Variants in NCOA6 observed in about 807,000 individuals in gnomAD.
The protein encoded by NCOA6 is nuclear receptor coactivator 6, also known as NRC RAP250.
NCOA6 carries 49 observed loss-of-function variants against 171.4 expected under a neutral mutation model. The observed-to-expected ratio is 0.29, with a 90% confidence interval of 0.23 to 0.36. The LOEUF (loss-of-function observed/expected upper bound fraction) is 0.36, where lower values mean the gene tolerates loss of function less well. Ranked by LOEUF, NCOA6 falls within the 10% of genes least tolerant of loss-of-function variation. The pLI, the probability that NCOA6 is intolerant of heterozygous loss-of-function variation, is 1.00. For missense variants in NCOA6, 2,248 were observed against 2,554.5 expected (o/e 0.88, Z 2.59); for synonymous variants, 910 against 927.5 (o/e 0.98, Z 0.34).
intron 1 of NCOA6, among the ~76,000 whole-genome samples, chr20:34,823,836 G>C (rs991231555): frequency 2.0e-5 from 3 of 152,108 alleles, no homozygotes; most frequent in African/African-American, 4.8e-5. Flanking sequence ...CTGAGTAGCT[G>C]GGACTACAAG....
At chr20:34,721,238 C>CAAAAAAAAAAAAAAAAAAAAAAAAAAA (rs10531679) in intron 14 of NCOA6, among the ~76,000 whole-genome samples, 6 of 66,048 alleles carry the variant, frequency 9.1e-5, no homozygotes, top group African/African-American at 3.8e-4. Flanking sequence ...TTCCTCTATA[C>CAAAAAAAAAAAAAAAAAAAAAAAAAAA]AAAAAAAAAA....
intron 2 of NCOA6, among the ~76,000 whole-genome samples, chr20:34,789,037 T>C (rs576965216): frequency 1.1e-3 from 172 of 152,340 alleles, no homozygotes; most frequent in Admixed American, 2.5e-3. Context: ...GTTCAAAGCA[T>C]CTGAAAATTT....
intron 1 of NCOA6, among the ~76,000 whole-genome samples, chr20:34,805,074 T>C (rs1160963838): frequency 3.3e-5 from 5 of 151,686 alleles, no homozygotes; most frequent in African/African-American, 4.9e-5. Context: ...AGTCTCATTC[T>C]GTCACCCAGG....
At chr20:34,739,032 G>C (rs745588443) in intron 11 of NCOA6, 18 of 435,892 alleles carry the variant, frequency 4.1e-5, no homozygotes, top group Non-Finnish European at 6.7e-5. Context: ...TGGGGAAATA[G>C]AGCTTCTTCA....
Position 34,823,559 on chromosome 20 carries a change from T to C in NCOA6, c.-164+1913A>G, listed in dbSNP as rs182732574. Among the ~76,000 whole-genome samples the C allele has an allele frequency of 3.3e-5, 5 of 152,324 alleles. No individual in the cohort carries two copies. The East Asian group carries it at 7.7e-4, about 23-fold the overall frequency. ...TCCTTCAGAACTCTCCCATAGCCCATGCGAACTTTGAATTCTTCTCTAACA... is the reference window on the plus strand; with the variant it reads ...TCCTTCAGAACTCTCCCATAGCCCACGCGAACTTTGAATTCTTCTCTAACA... On this transcript the variant is annotated intron_variant, in intron 1 of 14. Transcript: ENST00000359003.
chr20:34,732,813 G>A, intron 12 of NCOA6: 1 of 446,144 alleles, frequency 2.2e-6, no homozygotes, highest in Non-Finnish European at 4.0e-6. Flanking sequence ...ACTCCACATG[G>A]TGAAATAATC....
intron 4 of NCOA6, among the ~76,000 whole-genome samples, chr20:34,772,189 C>T (rs367557950): frequency 3.9e-5 from 6 of 152,020 alleles, no homozygotes; most frequent in Admixed American, 1.3e-4. Flanking sequence ...TGGCACGCAC[C>T]TGTGGTCCTA....
chr20:34,798,157 G>A, intron 1 of NCOA6, among the ~76,000 whole-genome samples: 1 of 152,196 alleles, frequency 6.6e-6, no homozygotes, highest in Non-Finnish European at 1.5e-5. Flanking sequence ...CGGGCCTTGA[G>A]TGAACACTGG....
Position 34,746,750 on chromosome 20 carries a change from C to T in NCOA6, c.2914+57G>A, listed in dbSNP as rs878869852. The T allele has an allele frequency of 2.0e-5, 30 of 1,484,868 alleles. No individual in the cohort carries two copies. The South Asian group carries it at 3.7e-4, about 18-fold the overall frequency. The allele number at this position is 1,484,868 out of a possible 1,614,324, so 92.0% of individuals were successfully genotyped here. Reference sequence around the variant, plus strand: ...TATTGTTTCCTTGAAGACATGGAAGCCTTGTAATGCCACATGCACATGTAA... The same window carrying T: ...TATTGTTTCCTTGAAGACATGGAAGTCTTGTAATGCCACATGCACATGTAA... On this transcript the variant is annotated intron_variant, in intron 10 of 14. Coordinates refer to ENST00000359003, the MANE Select transcript of NCOA6 (RefSeq NM_014071.5).
chr20:34,808,154 G>GA (rs559130475), intron 1 of NCOA6, among the ~76,000 whole-genome samples: 1,659 of 136,720 alleles, frequency 0.012, 22 homozygotes, highest in Admixed American at 0.026. Context: ...GTCTCAAAAA[G>GA]AAAAAAAAAA....
chr20:34,805,389 A>G (rs1305577012), intron 1 of NCOA6, among the ~76,000 whole-genome samples: 1 of 152,090 alleles, frequency 6.6e-6, no homozygotes, highest in Non-Finnish European at 1.5e-5. Flanking sequence ...TACCTTCCAC[A>G]TATAAGAACA....
intron 13 of NCOA6, among the ~76,000 whole-genome samples, chr20:34,731,368 A>G (rs1013161231): frequency 6.6e-6 from 1 of 152,244 alleles, no homozygotes; most frequent in African/African-American, 2.4e-5. Flanking sequence ...GTTGCAATAC[A>G]TAGGTTAAAT....
rs1174976311 is a variant in NCOA6, at chr20:34,782,391, C to A, written c.-36G>T. ...ATTCCAGAAGCATATGCCAAGAGGACAATAAGAAAACTTCTGAAAAGAGAA... is the reference window on the plus strand; with the variant it reads ...ATTCCAGAAGCATATGCCAAGAGGAAAATAAGAAAACTTCTGAAAAGAGAA... On this transcript the variant is annotated 5_prime_UTR_variant, in exon 3 of 15. Transcript: ENST00000359003. 7.4e-7 allele frequency: 1 copy of A among 1,352,268 alleles called. No homozygotes were observed. Among genetic ancestry groups the A allele is most frequent in the Non-Finnish European group, 1.0e-6 (1 of 980,782 alleles). 83.8% of individuals were successfully genotyped at this position (1,352,268 alleles called of 1,614,324 possible).
At position 34,757,812 on chromosome 20, in the gene NCOA6, C is replaced by G; in HGVS notation, c.936G>C (p.Val312=). 1 of 1,614,082 alleles carries G rather than the reference C, an allele frequency of 6.2e-7. No individual in the cohort carries two copies. The highest frequency in any genetic ancestry group is 8.5e-7 in the Non-Finnish European group (1 of 1,180,028). The stretch of plus-strand genomic sequence containing the variant: ...GCTGGTTCCAGCCTGGAGGAACAGG[C>G]ACCTGAGTTGGGGCAGTAAACTGGG... The part of the protein sequence containing the change: ...IRPQFTAPTQ[V]PVPPGWNQLP... Residue 312 remains valine, a synonymous_variant, in exon 7 of 15, where the codon GTG becomes GTC. Coordinates refer to ENST00000359003, the MANE Select transcript of NCOA6 (RefSeq NM_014071.5).
At chr20:34,799,925 T>C (rs569768515) in intron 1 of NCOA6, among the ~76,000 whole-genome samples, 10 of 152,150 alleles carry the variant, frequency 6.6e-5, no homozygotes, top group Non-Finnish European at 1.5e-4. Flanking sequence ...CTGGTAATAG[T>C]AAGTACACAG....
At chr20:34,751,418 G>A (rs911055548) in intron 8 of NCOA6, among the ~76,000 whole-genome samples, 21 of 144,222 alleles carry the variant, frequency 1.5e-4, no homozygotes, top group Admixed American at 8.6e-4. Flanking sequence ...GTCCTCTTAG[G>A]AAAACCTCAA....
chr20:34,746,881 G>A lies in NCOA6; in HGVS notation c.2840C>T (p.Pro947Leu), dbSNP rs899433168. ...PAGLEEADQPPLPGEQGINLD... is the reference protein window; with the variant it reads ...PAGLEEADQPLLPGEQGINLD... ...GTTAATTCCTTGTTCTCCAGGCAACGGTGGCTGATCAGCCTCTTCCAGACC... is the reference window on the plus strand; with the variant it reads ...GTTAATTCCTTGTTCTCCAGGCAACAGTGGCTGATCAGCCTCTTCCAGACC... The change falls in exon 10 of 15, where the codon CCG (proline) becomes CTG (leucine). Residue 947 changes from proline to leucine, a missense_variant. Physicochemically the swap from Pro to Leu is moderately conservative, Grantham distance 98. Around this residue, in one of 7 missense-constraint regions of NCOA6, gnomAD observed 352 missense variants for 419.1 expected, o/e 0.84. Transcript: ENST00000359003. 1.5e-5 allele frequency: 24 copies of A among 1,604,536 alleles called. No individual in the cohort carries two copies. The highest frequency in any genetic ancestry group is 2.2e-5 in the East Asian group (1 of 44,734).
chr20:34,757,317 A>T lies in NCOA6; in HGVS notation c.1431T>A (p.Asn477Lys). Residue 477 changes from asparagine to lysine, a missense_variant, in exon 7 of 15, where the codon AAT (asparagine) becomes AAA (lysine). By Grantham distance (94) the Asn-to-Lys change is moderately conservative. This residue lies in a region of NCOA6 where 987 missense variants were observed against 1,104.7 expected (regional missense o/e 0.89). Coordinates refer to ENST00000359003, the MANE Select transcript of NCOA6 (RefSeq NM_014071.5). ...FQQPVSSPGR[N>K]PMVQQGNVPP... The stretch of plus-strand genomic sequence containing the variant: ...GCACATTTCCCTGTTGAACCATAGG[A>T]TTCCGACCCGGAGAGCTGACAGGCT... 1 of 1,614,110 alleles carries T rather than the reference A, an allele frequency of 6.2e-7. No homozygotes were observed. Among genetic ancestry groups the T allele is most frequent in the Non-Finnish European group, 8.5e-7 (1 of 1,179,988 alleles).
intron 1 of NCOA6, among the ~76,000 whole-genome samples, chr20:34,806,663 CTT>C (rs1408981495): frequency 6.6e-6 from 1 of 152,124 alleles, no homozygotes; most frequent in Non-Finnish European, 1.5e-5. Context: ...AAGAGACTGT[CTT>C]TTTATCAATG....
Sources: gnomAD v4.1 joint callset for allele counts (sites outside exome capture counted in the v4.1 genomes callset) on GRCh38, gnomAD v4.1.1 for gene constraint, gnomAD v4.1.1 regional missense constraint, MANE v1.5 for transcripts, NCBI Gene and HGNC (gene_info 2026-07-23, HGNC 2026-07-21) for gene names.